The following MATCAP2 variants were observed in gnomAD, a reference collection of about 807,000 sequenced individuals.
MATCAP2 encodes microtubule associated tyrosine carboxypeptidase 2.
the MATCAP2 span, among the ~76,000 whole-genome samples, chr7:36,385,792 TAAAATAAAATAAAATA>T: frequency 2.9e-5 from 2 of 68,410 alleles, no homozygotes; most frequent in African/African-American, 1.3e-4. Flanking sequence ...TTTCAAAAAA[TAAAATAAAATAAAATA>T]AAATAAAATA....
At chr7:36,372,561 G>C in the MATCAP2 span, among the ~76,000 whole-genome samples, 1 of 152,178 alleles carries the variant, frequency 6.6e-6, no homozygotes, top group Non-Finnish European at 1.5e-5. Context: ...AAAAACCCTG[G>C]GGAACACTGT....
the MATCAP2 span, among the ~76,000 whole-genome samples, chr7:36,365,608 A>T: frequency 3.3e-5 from 5 of 152,158 alleles, no homozygotes; most frequent in Admixed American, 6.5e-5. Context: ...CTGAGGCAGG[A>T]GAATCGCTTG....
the MATCAP2 span, among the ~76,000 whole-genome samples, chr7:36,331,726 A>T: frequency 6.6e-6 from 1 of 152,218 alleles, no homozygotes; most frequent in Non-Finnish European, 1.5e-5. Context: ...ATCTGAACGT[A>T]GTTAGAAAAG....
At chr7:36,353,785 T>G in the MATCAP2 span, among the ~76,000 whole-genome samples, 4 of 152,150 alleles carry the variant, frequency 2.6e-5, no homozygotes, top group South Asian at 4.1e-4. Flanking sequence ...CCAGCCTCCT[T>G]GTTTATTCTT....
the MATCAP2 span, chr7:36,357,074 G>C: frequency 6.2e-7 from 1 of 1,614,174 alleles, no homozygotes; most frequent in Non-Finnish European, 8.5e-7. Context: ...TTTCTTCCCA[G>C]AAAAGTCATC....
At chr7:36,355,625 G>A in the MATCAP2 span, 1 of 152,132 alleles carries the variant, frequency 6.6e-6, no homozygotes, top group South Asian at 2.1e-4. Context: ...CAGATTCCAT[G>A]TTATCTATAA....
the MATCAP2 span, among the ~76,000 whole-genome samples, chr7:36,342,620 G>C: frequency 6.6e-6 from 1 of 152,110 alleles, no homozygotes; most frequent in Admixed American, 6.5e-5. Flanking sequence ...AATCACAGAT[G>C]AGTAATTTTT....
chr7:36,331,058 A>T, the MATCAP2 span: 1 of 1,612,614 alleles, frequency 6.2e-7, no homozygotes. Context: ...ATCCAAGTAT[A>T]CCTGGTCTTT....
the MATCAP2 span, among the ~76,000 whole-genome samples, chr7:36,387,587 T>C: frequency 1.3e-5 from 2 of 152,186 alleles, no homozygotes; most frequent in African/African-American, 4.8e-5. Context: ...TCTACCGTAG[T>C]TTCTGGCACA....
the MATCAP2 span, chr7:36,334,034 C>A: frequency 1.2e-6 from 2 of 1,614,000 alleles, no homozygotes; most frequent in Middle Eastern, 1.6e-4. Context: ...CTTTTCTAAA[C>A]AGAACACTGT....
At chr7:36,337,650 T>C in the MATCAP2 span, 1 of 150,796 alleles carries the variant, frequency 6.6e-6, no homozygotes, top group East Asian at 1.9e-4. Flanking sequence ...ATTACTCTTA[T>C]TATTATTATT....
At chr7:36,338,240 A>C in the MATCAP2 span, among the ~76,000 whole-genome samples, 763 of 152,252 alleles carry the variant, frequency 5.0e-3, 18 homozygotes, top group East Asian at 0.047. Context: ...TTCCCTTTCC[A>C]GGCCCTCCCA....
the MATCAP2 span, chr7:36,336,009 T>G: frequency 4.4e-6 from 2 of 453,880 alleles, no homozygotes; most frequent in African/African-American, 2.0e-5. Flanking sequence ...GAGGCGGAGG[T>G]TGCAGTGAGC....
chr7:36,339,128 C>T, the MATCAP2 span, among the ~76,000 whole-genome samples: 1 of 152,152 alleles, frequency 6.6e-6, no homozygotes, highest in Admixed American at 6.5e-5. Flanking sequence ...TTAGAATAAA[C>T]CTTTTTTTTA....
chr7:36,335,259 C>A, the MATCAP2 span: 13 of 1,284,394 alleles, frequency 1.0e-5, no homozygotes, highest in African/African-American at 1.9e-4. Flanking sequence ...AAACAATGGG[C>A]CTGTAAATTA....
chr7:36,367,021 G>C, the MATCAP2 span: 5 of 1,284,122 alleles, frequency 3.9e-6, no homozygotes, highest in Non-Finnish European at 4.9e-6. Context: ...TCTAGCCTCT[G>C]ACCCGGGCCT....
the MATCAP2 span, among the ~76,000 whole-genome samples, chr7:36,352,737 AAGG>A: frequency 7.9e-5 from 12 of 151,784 alleles, no homozygotes; most frequent in South Asian, 6.3e-4. Flanking sequence ...GAGGCTGAGG[AAGG>A]AGAATTGGTT....
At chr7:36,328,239 T>TGGGG in the MATCAP2 span, among the ~76,000 whole-genome samples, 1,107 of 22,978 alleles carry the variant, frequency 0.048, 155 homozygotes, top group South Asian at 0.081. Context: ...TTTGTTTTTG[T>TGGGG]AGGGGGGGGG....
chr7:36,349,117 G>A, the MATCAP2 span, among the ~76,000 whole-genome samples: 1 of 152,244 alleles, frequency 6.6e-6, no homozygotes, highest in Non-Finnish European at 1.5e-5. Context: ...AGGCCTTGCA[G>A]GCCATGACAA....
Sources: allele counts gnomAD v4.1 joint callset (sites outside exome capture counted in the v4.1 genomes callset), GRCh38; gene constraint gnomAD v4.1.1; transcripts MANE v1.5; gene names NCBI Gene and HGNC (gene_info 2026-07-23, HGNC 2026-07-21).